Variants in TBC1D14 observed in about 807,000 individuals in gnomAD.
The protein encoded by TBC1D14 is TBC1 domain family member 14.
TBC1D14 carries 26 observed loss-of-function variants against 79.0 expected under a neutral mutation model. The observed-to-expected ratio is 0.33, with a 90% CI of 0.24 to 0.46. TBC1D14 has a LOEUF of 0.46. Ranked by LOEUF, TBC1D14 falls within the 20% of genes least tolerant of loss-of-function variation. The probability of loss-of-function intolerance (pLI) is 1.00; values close to 1 mark genes in which losing one functional copy is unlikely to be tolerated. For synonymous variants in TBC1D14, 394 were observed against 349.9 expected (o/e 1.13, Z -1.40); for missense variants, 769 against 887.6 (o/e 0.87, Z 1.70).
At chr4:6,935,177 T>C (rs1712186132) in intron 2 of TBC1D14, among the ~76,000 whole-genome samples, 2 of 151,818 alleles carry the variant, frequency 1.3e-5, no homozygotes, top group African/African-American at 4.8e-5. Context: ...GTGGCTTTGC[T>C]ACAGAGTGGA....
At chr4:7,013,077 A>G (rs1208600214) in intron 11 of TBC1D14, among the ~76,000 whole-genome samples, 2 of 152,224 alleles carry the variant, frequency 1.3e-5, no homozygotes, top group East Asian at 3.8e-4. Flanking sequence ...AATTGTGCCT[A>G]GGAATCATAG....
intron 2 of TBC1D14, among the ~76,000 whole-genome samples, chr4:6,937,780 C>G (rs1046853005): frequency 1.3e-5 from 2 of 152,068 alleles, no homozygotes; most frequent in Non-Finnish European, 2.9e-5. Context: ...CATGGATTCT[C>G]CGGGCGGTGG....
chr4:7,007,138 T>G (rs1720282523), intron 9 of TBC1D14, among the ~76,000 whole-genome samples: 1 of 152,126 alleles, frequency 6.6e-6, no homozygotes, highest in African/African-American at 2.4e-5. Flanking sequence ...CCCAGTGCAG[T>G]GAGCCCGTGT....
chr4:6,978,132 C>T (rs1716977366), intron 3 of TBC1D14, among the ~76,000 whole-genome samples: 1 of 149,408 alleles, frequency 6.7e-6, no homozygotes, highest in Non-Finnish European at 1.5e-5. Context: ...GGTCAGCCCC[C>T]CGCCCGGCTA....
chr4:6,942,280 A>G (rs556529535), intron 2 of TBC1D14, among the ~76,000 whole-genome samples: 1 of 152,310 alleles, frequency 6.6e-6, no homozygotes, highest in African/African-American at 2.4e-5. Context: ...ATGTGCACAC[A>G]TCTTACTAGA....
At chr4:7,019,393 A>C (rs1721590606) in intron 12 of TBC1D14, among the ~76,000 whole-genome samples, 1 of 152,032 alleles carries the variant, frequency 6.6e-6, no homozygotes, top group African/African-American at 2.4e-5. Flanking sequence ...TGCCTCTTGC[A>C]CTTGGGTCGT....
intron 13 of TBC1D14, among the ~76,000 whole-genome samples, chr4:7,027,486 CCA>C (rs201937768): frequency 0.013 from 1,874 of 144,368 alleles, 41 homozygotes; most frequent in African/African-American, 0.043. Context: ...CATTGCACAC[CCA>C]CAGTCACACC....
At chr4:6,911,883 T>C (rs1723023305) in intron 1 of TBC1D14, among the ~76,000 whole-genome samples, 2 of 152,192 alleles carry the variant, frequency 1.3e-5, no homozygotes, top group Non-Finnish European at 2.9e-5. Context: ...AAAAGATTTG[T>C]TGTCAGTATA....
At chr4:6,944,935 C>G (rs540787077) in intron 2 of TBC1D14, among the ~76,000 whole-genome samples, 7 of 152,340 alleles carry the variant, frequency 4.6e-5, no homozygotes, top group African/African-American at 1.7e-4. Context: ...GTGTCTTGCT[C>G]TTACTGGAGC....
intron 12 of TBC1D14, among the ~76,000 whole-genome samples, chr4:7,020,428 T>C (rs185709375): frequency 2.0e-3 from 297 of 152,288 alleles, no homozygotes; most frequent in Admixed American, 6.1e-3. Flanking sequence ...ATCTAACTGT[T>C]GATGTTTCTG....
intron 3 of TBC1D14, among the ~76,000 whole-genome samples, chr4:6,973,669 T>C (rs1317804636): frequency 6.6e-6 from 1 of 151,926 alleles, no homozygotes; most frequent in Non-Finnish European, 1.5e-5. Flanking sequence ...TCCCTTCCAA[T>C]ATTTCTCAGC....
At chr4:6,974,308 C>T (rs1157789273) in intron 3 of TBC1D14, among the ~76,000 whole-genome samples, 1 of 152,150 alleles carries the variant, frequency 6.6e-6, no homozygotes, top group Non-Finnish European at 1.5e-5. Flanking sequence ...TATTCTCTCT[C>T]TCTCCCCATT....
At chr4:7,012,233 C>CA (rs1197268202) in intron 11 of TBC1D14, among the ~76,000 whole-genome samples, 9 of 149,472 alleles carry the variant, frequency 6.0e-5, no homozygotes, top group Admixed American at 4.1e-4. Flanking sequence ...ACCTGGGAGG[C>CA]AGAGCTTGCA....
intron 5 of TBC1D14, among the ~76,000 whole-genome samples, chr4:6,996,777 G>A (rs1283787257): frequency 6.6e-6 from 1 of 152,216 alleles, no homozygotes; most frequent in Non-Finnish European, 1.5e-5. Flanking sequence ...GTCTCTCGCA[G>A]AAGGCTACTA....
intron 2 of TBC1D14, among the ~76,000 whole-genome samples, chr4:6,941,648 G>C (rs1341027932): frequency 1.3e-5 from 2 of 152,128 alleles, no homozygotes; most frequent in African/African-American, 2.4e-5. Flanking sequence ...CTGTTCCTGT[G>C]ACTTGTCCCA....
At chr4:6,963,527 A>T (rs1308537840) in intron 2 of TBC1D14, among the ~76,000 whole-genome samples, 1 of 152,154 alleles carries the variant, frequency 6.6e-6, no homozygotes, top group Non-Finnish European at 1.5e-5. Flanking sequence ...TGGTCATGTG[A>T]CAAGTAGGTG....
chr4:6,944,028 C>T (rs908250165), intron 2 of TBC1D14, among the ~76,000 whole-genome samples: 1 of 151,878 alleles, frequency 6.6e-6, no homozygotes, highest in African/African-American at 2.4e-5. Context: ...CGCGTTCTGC[C>T]GGGGGTTTGG....
chr4:6,998,018 A>G (rs1431786044), intron 5 of TBC1D14, among the ~76,000 whole-genome samples: 2 of 152,220 alleles, frequency 1.3e-5, no homozygotes, highest in African/African-American at 4.8e-5. Flanking sequence ...CACACACACA[A>G]AAAAGTATAT....
chr4:7,025,314 C>T (rs6834102), intron 13 of TBC1D14, 52 bp downstream of exon 13: 1,368,355 of 1,605,240 alleles, frequency 0.85, 583,830 homozygotes, highest in East Asian at 0.98. Flanking sequence ...GCAAGTGGCG[C>T]GACTCAGGAA....
Sources: gnomAD v4.1 joint callset for allele counts (sites outside exome capture counted in the v4.1 genomes callset) on GRCh38, gnomAD v4.1.1 for gene constraint, MANE v1.5 for transcripts, NCBI Gene and HGNC (gene_info 2026-07-23, HGNC 2026-07-21) for gene names.